Variants in EXT1 observed in about 807,000 individuals in gnomAD.
EXT1 encodes the protein exostosin-1.
In EXT1, 20 loss-of-function variants were observed where a neutral mutation model predicts 82.5. The ratio of observed to expected loss-of-function variants is 0.24; its 90% CI spans 0.17 to 0.35. The LOEUF (loss-of-function observed/expected upper bound fraction) is 0.35, where lower values mean the gene tolerates loss of function less well. Ranked by LOEUF, EXT1 falls within the 10% of genes least tolerant of loss-of-function variation. The probability of loss-of-function intolerance (pLI) is 1.00; values close to 1 mark genes in which losing one functional copy is unlikely to be tolerated. For missense variants in EXT1, 757 were observed against 936.5 expected (o/e 0.81, Z 2.50); for synonymous variants, 348 against 350.8 (o/e 0.99, Z 0.09).
chr8:118,019,548 C>T (rs1816064423), intron 1 of EXT1, among the ~76,000 whole-genome samples: 1 of 152,178 alleles, frequency 6.6e-6, no homozygotes, highest in Non-Finnish European at 1.5e-5. Flanking sequence ...AGAAAAGAGT[C>T]ATTTCCTGTG....
chr8:117,900,063 G>A (rs943144063), intron 1 of EXT1, among the ~76,000 whole-genome samples: 1 of 152,212 alleles, frequency 6.6e-6, no homozygotes, highest in Non-Finnish European at 1.5e-5. Flanking sequence ...CTGCCTTCCA[G>A]GGGCATGTGT....
chr8:117,814,459 A>G (rs11783511), intron 7 of EXT1, among the ~76,000 whole-genome samples: 59,084 of 151,842 alleles, frequency 0.39, 11,894 homozygotes, highest in Admixed American at 0.52. Context: ...CATATATATC[A>G]TCGTGTTTCA....
At chr8:118,004,170 C>G (rs897603819) in intron 1 of EXT1, among the ~76,000 whole-genome samples, 2 of 152,142 alleles carry the variant, frequency 1.3e-5, no homozygotes, top group Non-Finnish European at 2.9e-5. Flanking sequence ...ACATATTTTC[C>G]TTACTACTAT....
intron 1 of EXT1, among the ~76,000 whole-genome samples, chr8:118,028,196 G>T (rs936395599): frequency 5.3e-5 from 8 of 152,192 alleles, no homozygotes; most frequent in African/African-American, 1.9e-4. Flanking sequence ...ATGCCTGGAC[G>T]TCTGCGGCAG....
chr8:117,864,240 G>C (rs1812734449), intron 1 of EXT1, among the ~76,000 whole-genome samples: 1 of 152,106 alleles, frequency 6.6e-6, no homozygotes. Flanking sequence ...TAAGGAACAG[G>C]TTTACACACT....
chr8:117,818,814 A>G (rs1337631212), intron 6 of EXT1, among the ~76,000 whole-genome samples: 2 of 152,212 alleles, frequency 1.3e-5, no homozygotes, highest in African/African-American at 4.8e-5. Context: ...GCTGCAGGAA[A>G]AAGAATTACG....
intron 1 of EXT1, among the ~76,000 whole-genome samples, chr8:117,870,818 C>G (rs1812855311): frequency 7.2e-6 from 1 of 139,288 alleles, no homozygotes; most frequent in Non-Finnish European, 1.5e-5. Context: ...ACCATAAATG[C>G]TTTGTCACAC....
chr8:118,060,050 TC>T (rs1816858712), intron 1 of EXT1, among the ~76,000 whole-genome samples: 1 of 152,176 alleles, frequency 6.6e-6, no homozygotes, highest in African/African-American at 2.4e-5. Context: ...AATACTACCA[TC>T]ATCACAAATC....
chr8:117,861,181 T>C (rs182433395), intron 1 of EXT1, among the ~76,000 whole-genome samples: 6 of 152,292 alleles, frequency 3.9e-5, no homozygotes, highest in African/African-American at 1.4e-4. Flanking sequence ...TAAAAAGCAG[T>C]AGAATGTCAG....
intron 1 of EXT1, among the ~76,000 whole-genome samples, chr8:118,032,002 A>G (rs1816329082): frequency 6.6e-6 from 1 of 151,948 alleles, no homozygotes; most frequent in Non-Finnish European, 1.5e-5. Context: ...CACTGATTAT[A>G]TAATGTGCTA....
rs535042009 is a variant in EXT1 at position 117,975,061 on chromosome 8, G to C, written c.962+135024C>G. 9.7e-4 allele frequency among the ~76,000 whole-genome samples: 148 copies of C among 152,290 alleles called. 1 individual carries two copies. Among genetic ancestry groups the C allele is most frequent in the Admixed American group, 4.1e-3 (62 of 15,296 alleles). On this transcript the variant is annotated intron_variant, in intron 1 of 10. Coordinates refer to ENST00000378204, the MANE Select transcript of EXT1 (RefSeq NM_000127.3). The stretch of plus-strand genomic sequence containing the variant: ...TAGGAGGTTACAGACTTATTCCAAC[G>C]ATAAGTGCTTTTTGCACACAAGTGG...
intron 1 of EXT1, among the ~76,000 whole-genome samples, chr8:118,062,344 T>C (rs1816897047): frequency 6.6e-6 from 1 of 152,176 alleles, no homozygotes; most frequent in African/African-American, 2.4e-5. Flanking sequence ...TGTATCCTAG[T>C]GAAGGTGATG....
At chr8:117,960,206 A>G (rs1814672651) in intron 1 of EXT1, among the ~76,000 whole-genome samples, 1 of 152,164 alleles carries the variant, frequency 6.6e-6, no homozygotes, top group Non-Finnish European at 1.5e-5. Context: ...GCGAGACTCC[A>G]TCTCAAAAAT....
At chr8:117,858,634 T>G (rs1812608939) in intron 1 of EXT1, among the ~76,000 whole-genome samples, 1 of 148,350 alleles carries the variant, frequency 6.7e-6, no homozygotes, top group African/African-American at 2.5e-5. Flanking sequence ...GCTGAGATTG[T>G]GCCATTGCGC....
chr8:117,821,063 TTAGTTTAGACCCAC>T (rs1309359318), intron 5 of EXT1, among the ~76,000 whole-genome samples: 2 of 152,208 alleles, frequency 1.3e-5, no homozygotes, highest in Non-Finnish European at 2.9e-5. Flanking sequence ...TAAAACTTCA[TTAGTTTAGACCCAC>T]TAATTTGGCA....
intron 1 of EXT1, among the ~76,000 whole-genome samples, chr8:118,074,684 C>T (rs1357922638): frequency 6.6e-6 from 1 of 151,850 alleles, no homozygotes; most frequent in Non-Finnish European, 1.5e-5. Flanking sequence ...TTTCTCCAGG[C>T]AAGAGAAAGG....
chr8:117,794,751 C>T lies in EXT1; in HGVS notation c.*4961G>A, dbSNP rs1823068245. On this transcript the variant is annotated 3_prime_UTR_variant, in exon 11 of 11. Coordinates refer to ENST00000378204, the MANE Select transcript of EXT1 (RefSeq NM_000127.3). ...ATGGGAAAAACACTTCAGAAAAGAC[C>T]TGTGGTGACACTACAAAAACATTGG... 1 of 152,286 alleles carries T rather than the reference C, an allele frequency of 6.6e-6. No individual in the cohort carries two copies. The highest frequency in any genetic ancestry group is 1.5e-5 in the Non-Finnish European group (1 of 68,020). 9.4% of individuals were successfully genotyped at this position (152,286 alleles called of 1,614,324 possible).
At chr8:118,101,213 G>C (rs1817713647) in intron 1 of EXT1, among the ~76,000 whole-genome samples, 1 of 152,126 alleles carries the variant, frequency 6.6e-6, no homozygotes. Flanking sequence ...TCCAGATGTG[G>C]AAACTGAGGC....
chr8:118,069,756 C>G (rs1042347984), intron 1 of EXT1, among the ~76,000 whole-genome samples: 12 of 151,902 alleles, frequency 7.9e-5, no homozygotes, highest in Admixed American at 7.9e-4. Flanking sequence ...TAATCTACTA[C>G]TGGACATCAT....
Sources: gnomAD v4.1 joint callset for allele counts (sites outside exome capture counted in the v4.1 genomes callset) on GRCh38, gnomAD v4.1.1 for gene constraint, MANE v1.5 for transcripts, NCBI Gene and HGNC (gene_info 2026-07-23, HGNC 2026-07-21) for gene names.